Variants in C10orf53 observed in about 807,000 individuals in gnomAD.
The protein encoded by C10orf53 is chromosome 10 open reading frame 53, also known as UPF0728 protein C10orf53.
C10orf53 carries 8 observed loss-of-function variants against 9.4 expected under a neutral mutation model. The observed-to-expected ratio is 0.85, with a 90% CI of 0.50 to 1.53. The LOEUF is 1.53. Among genes scored for constraint, C10orf53 ranks in the 40% most tolerant of loss-of-function variants. C10orf53 has a pLI of 0.00. For synonymous variants in C10orf53, 48 were observed against 46.0 expected (o/e 1.04, Z -0.18); for missense variants, 117 against 117.8 (o/e 0.99, Z 0.03).
downstream of C10orf53, among the ~76,000 whole-genome samples, chr10:49,701,734 C>T (rs1401127194): frequency 3.3e-5 from 5 of 152,180 alleles, no homozygotes; most frequent in Non-Finnish European, 7.3e-5. Context: ...CCACTCCCAC[C>T]CCCATGGCAC....
intron 2 of C10orf53, chr10:49,708,352 TG>T (rs1840736990): frequency 6.2e-7 from 1 of 1,613,086 alleles, no homozygotes; most frequent in Non-Finnish European, 8.5e-7. Flanking sequence ...CTGTTGTCTT[TG>T]TTCTCAGGCA....
rs371074453 is a variant in C10orf53, at chr10:49,693,889, G to A, written c.213G>A (p.Glu71=). ...VIFHCNIKDL[E]FGGDGKLDPL... Reference sequence around the variant, plus strand: ...TCCACTGCAACATTAAGGACTTGGAGTTCGGTAAGCCCTTTGGCGATGCTT... The same window carrying A: ...TCCACTGCAACATTAAGGACTTGGAATTCGGTAAGCCCTTTGGCGATGCTT... Residue 71 remains glutamate (E), a synonymous_variant, in exon 2 of 3, where the codon GAG becomes GAA. Transcript: ENST00000374111. 1.9e-6 allele frequency: 3 copies of A among 1,614,150 alleles called. No homozygotes were observed. In the African/African-American group the frequency reaches 4.0e-5, roughly 22 times the overall value.
At chr10:49,681,093 G>A (rs750727391) in intron 1 of C10orf53, among the ~76,000 whole-genome samples, 1 of 152,166 alleles carries the variant, frequency 6.6e-6, no homozygotes, top group Non-Finnish European at 1.5e-5. Flanking sequence ...CAGGTATTAA[G>A]CCCACTTTCC....
chr10:49,681,555 T>C (rs1460350335), intron 1 of C10orf53, among the ~76,000 whole-genome samples: 1 of 152,234 alleles, frequency 6.6e-6, no homozygotes, highest in Admixed American at 6.5e-5. Context: ...TATTTGTCTA[T>C]TGGGATTGCC....
At chr10:49,689,202 C>T (rs1840558204) in intron 1 of C10orf53, among the ~76,000 whole-genome samples, 1 of 152,070 alleles carries the variant, frequency 6.6e-6, no homozygotes. Context: ...AGACAGCCCC[C>T]CGAGGGCAGG....
At chr10:49,697,778 T>C (rs1016987311), downstream of C10orf53, among the ~76,000 whole-genome samples, 7 of 152,144 alleles carry the variant, frequency 4.6e-5, no homozygotes, top group African/African-American at 1.7e-4. Flanking sequence ...TCTCCTGACC[T>C]CAAATGATCC....
exon 3 of C10orf53, chr10:49,709,041 A>T: frequency 5.7e-6 from 1 of 176,556 alleles, no homozygotes; most frequent in Non-Finnish European, 1.2e-5. Flanking sequence ...CACTCGCCAC[A>T]TGGCTGCTAA....
intron 1 of C10orf53, among the ~76,000 whole-genome samples, chr10:49,693,382 C>T (rs546044143): frequency 4.6e-5 from 7 of 152,238 alleles, no homozygotes; most frequent in Admixed American, 3.9e-4. Context: ...CCAAATTGCC[C>T]TCCAGAAGGT....
chr10:49,694,163 G>A (rs867335545), intron 2 of C10orf53: 1 of 592,068 alleles, frequency 1.7e-6, no homozygotes, highest in South Asian at 2.3e-5. Flanking sequence ...GGGATGTGAT[G>A]GAATTAAGGG....
At chr10:49,694,369 T>C in intron 2 of C10orf53, 169 bp from the exon 3 acceptor site, 1 of 958,534 alleles carries the variant, frequency 1.0e-6, no homozygotes, top group South Asian at 1.7e-5. Context: ...CTCTCTGTGC[T>C]CAGAAGTTAA....
At chr10:49,682,617 C>T (rs967316897) in intron 1 of C10orf53, among the ~76,000 whole-genome samples, 1 of 151,736 alleles carries the variant, frequency 6.6e-6, no homozygotes, top group African/African-American at 2.4e-5. Flanking sequence ...AGCTTTTATT[C>T]CCTTAGTTGG....
rs998537541 is a variant in C10orf53 at position 49,696,315 on chromosome 10, A to G, written c.*1713A>G. Among the ~76,000 whole-genome samples, 5 of 151,756 alleles carry G rather than the reference A, an allele frequency of 3.3e-5. No individual in the cohort carries two copies. The highest frequency in any genetic ancestry group is 7.4e-5 in the Non-Finnish European group (5 of 67,972). Reference sequence around the variant, plus strand: ...CAGGAAATCTCTCCCTTGAGCTGTGATTTCTACTTTCATGGCCAAAACTTT... The same window carrying G: ...CAGGAAATCTCTCCCTTGAGCTGTGGTTTCTACTTTCATGGCCAAAACTTT... On this transcript the variant is annotated 3_prime_UTR_variant, in exon 3 of 3. Transcript: ENST00000374111.
intron 1 of C10orf53, among the ~76,000 whole-genome samples, chr10:49,693,467 C>T (rs535044175): frequency 6.6e-6 from 1 of 152,294 alleles, no homozygotes; most frequent in African/African-American, 2.4e-5. Context: ...TGAGTGTGGT[C>T]TCTATAAGAT....
In C10orf53 at chr10:49,695,231, G is replaced by C. The variant is rs1186689956; in HGVS notation, c.*629G>C. On this transcript the variant is annotated 3_prime_UTR_variant, in exon 3 of 3. Transcript: ENST00000374111. ...AATATCGTCTGAGGAGGGCGCAAAAGAGTCCTCAGCAGAATGTGAGATGGT... is the reference window on the plus strand; with the variant it reads ...AATATCGTCTGAGGAGGGCGCAAAACAGTCCTCAGCAGAATGTGAGATGGT... 1 of 153,464 alleles carries C rather than the reference G, an allele frequency of 6.5e-6. No homozygotes were observed. The highest frequency in any genetic ancestry group is 6.5e-5 in the Admixed American group (1 of 15,286). 9.5% of individuals were successfully genotyped at this position (153,464 alleles called of 1,614,324 possible).
At chr10:49,709,286 C>T (rs1186463262) in exon 3 of C10orf53, 2 of 152,280 alleles carry the variant, frequency 1.3e-5, no homozygotes, top group East Asian at 3.9e-4. Context: ...TTCTGTGGCT[C>T]TGGCAGCGGC....
Position 49,695,138 on chromosome 10 carries a change from A to G in C10orf53, c.*536A>G. 4.7e-6 allele frequency: 1 copy of G among 214,392 alleles called. No homozygotes were observed. Among genetic ancestry groups the G allele is most frequent in the Non-Finnish European group, 8.0e-6 (1 of 124,656 alleles). The allele number at this position is 214,392 out of a possible 1,614,324, so 13.3% of individuals were successfully genotyped here. ...AAATATTTTAAATTGCTATTATAAA[A>G]TTAGCCAAAATCAAATCTTCAATTT... On this transcript the variant is annotated 3_prime_UTR_variant, in exon 3 of 3. Transcript: ENST00000374111.
intron 2 of C10orf53, among the ~76,000 whole-genome samples, chr10:49,703,078 C>T (rs918043547): frequency 6.6e-6 from 1 of 152,150 alleles, no homozygotes; most frequent in African/African-American, 2.4e-5. Flanking sequence ...TTATTCTACA[C>T]CTCTCGTGTC....
At chr10:49,684,571 C>T (rs1329368216) in intron 1 of C10orf53, among the ~76,000 whole-genome samples, 1 of 99,796 alleles carries the variant, frequency 1.0e-5, no homozygotes, top group Non-Finnish European at 2.0e-5. Context: ...AAGACTTGCA[C>T]CTAATTGTTT....
intron 1 of C10orf53, among the ~76,000 whole-genome samples, chr10:49,688,419 C>T (rs1320394728): frequency 2.6e-5 from 4 of 152,128 alleles, no homozygotes; most frequent in South Asian, 2.1e-4. Flanking sequence ...GCCTGGATTA[C>T]TGCCCTGGCC....
Sources: gnomAD v4.1 joint callset for allele counts (sites outside exome capture counted in the v4.1 genomes callset) on GRCh38, gnomAD v4.1.1 for gene constraint, MANE v1.5 for transcripts, NCBI Gene and HGNC (gene_info 2026-07-23, HGNC 2026-07-21) for gene names.